SLC6A12: variants seen among roughly 807,000 people sequenced by gnomAD.
SLC6A12 encodes the protein sodium- and chloride-dependent betaine transporter.
Under a neutral mutation model 73.3 loss-of-function variants are expected in SLC6A12, and 50 were observed. The ratio of observed to expected loss-of-function variants is 0.68; its 90% CI spans 0.54 to 0.86. The LOEUF is 0.86. Among genes scored for constraint, SLC6A12 ranks in the 40% least tolerant of loss-of-function variants. The pLI is 0.00. For missense variants in SLC6A12, 648 were observed against 772.8 expected, an observed-to-expected ratio of 0.84 and a Z score of 1.92; for synonymous variants, 304 against 309.2, an observed-to-expected ratio of 0.98 and a Z score of 0.18.
intron 13 of SLC6A12, 56 bp from the exon 14 acceptor site, chr12:193,433 G>C: frequency 2.2e-6 from 3 of 1,380,256 alleles, no homozygotes; most frequent in Non-Finnish European, 2.1e-6. Context: ...ACAGCTTCCC[G>C]GTGTTTGGGA....
rs777319584 is a variant in SLC6A12 at position 202,813 on chromosome 12, C to A, written c.417G>T (p.Trp139Cys). 11 of 1,613,900 alleles carry A rather than the reference C, an allele frequency of 6.8e-6. No homozygotes were observed. In the South Asian group the frequency reaches 1.2e-4, roughly 18 times the overall value. The change falls in exon 5 of 16, where the codon TGG becomes TGT. Residue 139 changes from tryptophan to cysteine, a missense_variant. Trp to Cys is a radical substitution (Grantham distance 215). Transcript: ENST00000684302. ...AGGAGCTGAACAGGTAGAAGAGAGC[C>A]CAGGCAAGGATGATGATGTAGTAGA... ...LNVYYIIILA[W>C]ALFYLFSSFT...
chr12:209,690 C>A, intron 3 of SLC6A12, 83 bp downstream of exon 3: 1 of 1,463,538 alleles, frequency 6.8e-7, no homozygotes, highest in Non-Finnish European at 9.6e-7. Context: ...AACCACACTG[C>A]CCAGGAAGGA....
intron 3 of SLC6A12, among the ~76,000 whole-genome samples, chr12:205,555 T>TGAG (rs1261525298): frequency 6.6e-6 from 1 of 152,150 alleles, no homozygotes; most frequent in African/African-American, 2.4e-5. Flanking sequence ...GAAGCATGAA[T>TGAG]GAGGAAACTG....
At chr12:187,677 G>C (rs1053509537), downstream of SLC6A12, among the ~76,000 whole-genome samples, 1 of 144,106 alleles carries the variant, frequency 6.9e-6, no homozygotes, top group African/African-American at 2.6e-5. Flanking sequence ...GACCCCAGCG[G>C]GTTACCACTA....
At chr12:201,630 T>A in intron 6 of SLC6A12, 132 bp downstream of exon 6, 1 of 699,184 alleles carries the variant, frequency 1.4e-6, no homozygotes. Context: ...TGTGTGGGGT[T>A]GGAGTGGGGC....
downstream of SLC6A12, among the ~76,000 whole-genome samples, chr12:189,702 A>C (rs1939512309): frequency 6.6e-6 from 1 of 152,052 alleles, no homozygotes; most frequent in East Asian, 1.9e-4. Context: ...GACCTTATCC[A>C]AACCCTGCCT....
At chr12:206,838 A>G (rs1276286224) in intron 3 of SLC6A12, among the ~76,000 whole-genome samples, 1 of 152,236 alleles carries the variant, frequency 6.6e-6, no homozygotes, top group East Asian at 1.9e-4. Context: ...CCCAGAAGGC[A>G]CTTTACAGGA....
chr12:212,988 G>A (rs547191404), intron 1 of SLC6A12, among the ~76,000 whole-genome samples: 2 of 152,282 alleles, frequency 1.3e-5, no homozygotes, highest in Admixed American at 6.5e-5. Context: ...TGCCCAGAGA[G>A]CAAATCTTCA....
intron 2 of SLC6A12, among the ~76,000 whole-genome samples, chr12:210,934 C>T (rs1940881072): frequency 6.6e-6 from 1 of 152,258 alleles, no homozygotes; most frequent in African/African-American, 2.4e-5. Flanking sequence ...TAGTTCTACT[C>T]TCTGTCCCTT....
intron 4 of SLC6A12, chr12:204,061 CTG>C (rs1940480638): frequency 1.3e-5 from 2 of 154,846 alleles, no homozygotes; most frequent in South Asian, 4.0e-4. Context: ...CATAAGCCGT[CTG>C]TGTGTTCCAG....
At chr12:196,054 CA>C (rs1939844057) in intron 12 of SLC6A12, 69 bp downstream of exon 12, 1 of 1,434,510 alleles carries the variant, frequency 7.0e-7, no homozygotes, top group African/African-American at 1.4e-5. Flanking sequence ...AGGCTCTGAG[CA>C]GGGTCAGCAG....
At chr12:210,141 C>G (rs1940845313) in intron 2 of SLC6A12, 98 bp from the exon 3 acceptor site, 1 of 1,376,246 alleles carries the variant, frequency 7.3e-7, no homozygotes, top group Non-Finnish European at 9.6e-7. Context: ...TGTTGTTCTT[C>G]CCAAGTGCTC....
chr12:185,041 G>C, the SLC6A12 span, among the ~76,000 whole-genome samples: 2 of 152,106 alleles, frequency 1.3e-5, no homozygotes, highest in African/African-American at 2.4e-5. Flanking sequence ...TAGTTACCAA[G>C]TGAAGGAAGA....
rs564047747 is a variant in SLC6A12, at chr12:198,142, C to T, written c.847-139G>A. 6 of 658,620 alleles carry T rather than the reference C, an allele frequency of 9.1e-6. No homozygotes were observed. The highest frequency in any genetic ancestry group is 1.8e-5 in the African/African-American group (1 of 55,360). 40.8% of individuals were successfully genotyped at this position (658,620 alleles called of 1,614,324 possible). A position where few individuals can be genotyped will look rare whatever the true frequency, so the allele number is the denominator to read the frequency against. ...AGCGCTTCCCTCCTGCATCCCAACT[C>T]TCCGTGAGTGCGCCCTCCGGTCTCC... On this transcript the variant is annotated intron_variant, in intron 8 of 15. Coordinates refer to ENST00000684302, the MANE Select transcript of SLC6A12 (RefSeq NM_001122848.3). The surrounding 1 kb of genome is among the most constrained non-coding windows in gnomAD (Gnocchi z 4.0).
rs568715199 is a variant in SLC6A12, at chr12:213,084, C to T, written c.-143+838G>A. On this transcript the variant is annotated intron_variant, in intron 1 of 15. Transcript: ENST00000684302. The surrounding 1 kb of genome is among the most constrained non-coding windows in gnomAD (Gnocchi z 5.3). ...CAGCTGGGGCTAGCAGAGGTGCAGACGAGACCAGAAATGCTGCTGCCCATG... is the reference window on the plus strand; with the variant it reads ...CAGCTGGGGCTAGCAGAGGTGCAGATGAGACCAGAAATGCTGCTGCCCATG... Among the ~76,000 whole-genome samples the T allele has an allele frequency of 1.3e-5, 2 of 152,134 alleles. No homozygotes were observed. Among genetic ancestry groups the T allele is most frequent in the Non-Finnish European group, 2.9e-5 (2 of 68,012 alleles).
chr12:192,023 C>T (rs1939622633), intron 15 of SLC6A12, among the ~76,000 whole-genome samples: 1 of 152,208 alleles, frequency 6.6e-6, no homozygotes, highest in Non-Finnish European at 1.5e-5. Context: ...GTCCCAAACT[C>T]TAGACAGGGA....
At chr12:210,113 T>C in intron 2 of SLC6A12, 70 bp from the exon 3 acceptor site, 1 of 1,456,092 alleles carries the variant, frequency 6.9e-7, no homozygotes, top group Non-Finnish European at 9.1e-7. Context: ...CCCATCCCGA[T>C]CTCCGCTGTC....
rs540660846 is a variant in SLC6A12 at position 209,556 on chromosome 12, G to C, written c.214+217C>G. ...ATTTCTTGGTCCTGCCCATTGCCCA[G>C]TTTCATCTTCACCGTCACCCTGGGA... is the stretch of plus-strand genomic sequence containing the variant. On this transcript the variant is annotated intron_variant, in intron 3 of 15. Coordinates refer to ENST00000684302, the MANE Select transcript of SLC6A12 (RefSeq NM_001122848.3). 48 of 594,930 alleles carry C rather than the reference G, an allele frequency of 8.1e-5. No individual in the cohort carries two copies. In the South Asian group the frequency reaches 9.6e-4, roughly 12 times the overall value. The allele number at this position is 594,930 out of a possible 1,614,324, so 36.9% of individuals were successfully genotyped here.
Position 196,237 on chromosome 12 carries a change from TCA to T in SLC6A12, c.1211_1212del (p.Val404AspfsTer48), listed in dbSNP as rs999871276. On this transcript the variant is annotated frameshift_variant, in exon 12 of 16. Coordinates refer to ENST00000684302, the MANE Select transcript of SLC6A12 (RefSeq NM_001122848.3). LOFTEE classifies it high-confidence loss of function. ...DSQFVCVECL[V>X]TASIDMFPRQ... is the part of the protein sequence containing the mutation. The stretch of plus-strand genomic sequence containing the variant: ...CTGGGGAACATGTCTATGGAGGCTG[TCA>T]CCAGGCACTCCACACAGACAAACTG... The T allele has an allele frequency of 5.6e-6, 9 of 1,606,666 alleles. No individual in the cohort carries two copies. Among genetic ancestry groups the T allele is most frequent in the African/African-American group, 2.7e-5 (2 of 74,886 alleles).
Sources: gnomAD v4.1 joint callset for allele counts (sites outside exome capture counted in the v4.1 genomes callset) on GRCh38, gnomAD v4.1.1 for gene constraint, Gnocchi (gnomAD v3.1) non-coding constraint, MANE v1.5 for transcripts, NCBI Gene and HGNC (gene_info 2026-07-23, HGNC 2026-07-21) for gene names.